The following CSGALNACT1 variants were observed in gnomAD, a reference collection of about 807,000 sequenced individuals.
CSGALNACT1 encodes the protein chondroitin sulfate N-acetylgalactosaminyltransferase 1.
Under a neutral mutation model 51.0 loss-of-function variants are expected in CSGALNACT1, and 52 were observed. The ratio of observed to expected loss-of-function variants is 1.02; its 90% CI spans 0.82 to 1.29. The LOEUF (loss-of-function observed/expected upper bound fraction) is 1.29. Ranked by LOEUF, CSGALNACT1 falls within the 50% of genes most tolerant of loss-of-function variation. The probability of loss-of-function intolerance (pLI) is 0.00; values close to 1 mark genes in which losing one functional copy is unlikely to be tolerated. For synonymous variants in CSGALNACT1, 341 were observed against 254.4 expected, an observed-to-expected ratio of 1.34 and a Z score of -3.24; for missense variants, 935 against 679.2, an observed-to-expected ratio of 1.38 and a Z score of -4.19.
intron 5 of CSGALNACT1, among the ~76,000 whole-genome samples, chr8:19,457,109 A>G (rs928273041): frequency 1.3e-5 from 2 of 152,204 alleles, no homozygotes; most frequent in Non-Finnish European, 2.9e-5. Context: ...AGAGAACCCT[A>G]CGTCAGAAAG....
At chr8:19,416,619 A>T (rs916668441) in intron 8 of CSGALNACT1, among the ~76,000 whole-genome samples, 1 of 152,128 alleles carries the variant, frequency 6.6e-6, no homozygotes, top group Non-Finnish European at 1.5e-5. Context: ...TTCCTGTGCC[A>T]TTTCTATGTT....
At chr8:19,602,744 T>A (rs1311009409), upstream of CSGALNACT1, 1 of 151,982 alleles carries the variant, frequency 6.6e-6, no homozygotes, top group Non-Finnish European at 1.5e-5. Flanking sequence ...ATGTGTCAAC[T>A]AGATAAAAGC....
In CSGALNACT1 at chr8:19,576,920, C is replaced by T. The variant is rs142039751; in HGVS notation, c.-297+14240G>A. Among the ~76,000 whole-genome samples the T allele has an allele frequency of 9.3e-3, 1,422 of 152,208 alleles. 23 individuals carry two copies. Among genetic ancestry groups the T allele is most frequent in the African/African-American group, 0.032 (1,329 of 41,508 alleles). On this transcript the variant is annotated intron_variant, in intron 3 of 9. Transcript: ENST00000454498. ...ACTGGGGCAGGTCAGCAAGTGCAAT[C>T]ACTGGCCATCCAATAAGAAAACACA...
intron 3 of CSGALNACT1, among the ~76,000 whole-genome samples, chr8:19,515,539 A>G (rs113852735): frequency 2.0e-5 from 3 of 152,230 alleles, no homozygotes; most frequent in Non-Finnish European, 4.4e-5. Context: ...GAATAAACAC[A>G]TAAGTGTAAA....
intron 5 of CSGALNACT1, chr8:19,457,853 C>T: frequency 7.6e-7 from 1 of 1,323,152 alleles, no homozygotes; most frequent in South Asian, 1.2e-5. Flanking sequence ...CATTGAGTAG[C>T]TACAAAAATG....
chr8:19,667,003 G>GAAAAGAAAGAAAGAAAGAAAGA (rs1201645786), intron 1 of CSGALNACT1, among the ~76,000 whole-genome samples: 5 of 28,602 alleles, frequency 1.7e-4, no homozygotes, highest in Non-Finnish European at 2.0e-4. Flanking sequence ...AAGAAAGAAA[G>GAAAAGAAAGAAAGAAAGAAAGA]AAAGAAAGAA....
intron 1 of CSGALNACT1, among the ~76,000 whole-genome samples, chr8:19,726,606 C>T (rs932958254): frequency 2.0e-5 from 3 of 152,034 alleles, no homozygotes; most frequent in Non-Finnish European, 4.4e-5. Context: ...GATCTACTCT[C>T]TCAGCAATTA....
intron 1 of CSGALNACT1, among the ~76,000 whole-genome samples, chr8:19,719,408 T>C (rs2062991717): frequency 6.6e-6 from 1 of 152,196 alleles, no homozygotes; most frequent in Non-Finnish European, 1.5e-5. Context: ...TGTCTGGAAA[T>C]AGGCACACAT....
chr8:19,746,404 T>C (rs898267734), intron 1 of CSGALNACT1, among the ~76,000 whole-genome samples: 5 of 152,158 alleles, frequency 3.3e-5, no homozygotes, highest in Non-Finnish European at 5.9e-5. Context: ...CCATGGTACC[T>C]AATGATGTTG....
intron 2 of CSGALNACT1, among the ~76,000 whole-genome samples, chr8:19,599,893 T>C (rs2050025536): frequency 6.6e-6 from 1 of 152,212 alleles, no homozygotes; most frequent in Admixed American, 6.5e-5. Context: ...CAGACAAACC[T>C]ACCCCACACC....
At chr8:19,608,422 G>C (rs1480837264) in intron 1 of CSGALNACT1, among the ~76,000 whole-genome samples, 2 of 152,204 alleles carry the variant, frequency 1.3e-5, no homozygotes, top group Non-Finnish European at 2.9e-5. Context: ...CCTTGAGCAA[G>C]TCACCTGCAA....
intron 4 of CSGALNACT1, among the ~76,000 whole-genome samples, chr8:19,467,619 C>T (rs921745108): frequency 6.6e-6 from 1 of 152,010 alleles, no homozygotes; most frequent in African/African-American, 2.4e-5. Context: ...TGCAAATGAC[C>T]TGGTTAGTTT....
At chr8:19,691,866 C>G (rs1440962155) in intron 1 of CSGALNACT1, among the ~76,000 whole-genome samples, 2 of 152,012 alleles carry the variant, frequency 1.3e-5, no homozygotes, top group Non-Finnish European at 2.9e-5. Flanking sequence ...CTCCAGCCCC[C>G]ACCCAGACCT....
At chr8:19,689,711 T>A (rs895479593) in intron 1 of CSGALNACT1, among the ~76,000 whole-genome samples, 12 of 152,230 alleles carry the variant, frequency 7.9e-5, no homozygotes, top group African/African-American at 2.9e-4. Flanking sequence ...TCACTCATGC[T>A]AAAGTTCCAC....
At chr8:19,603,903 C>G (rs2050960989), upstream of CSGALNACT1, among the ~76,000 whole-genome samples, 2 of 152,188 alleles carry the variant, frequency 1.3e-5, no homozygotes. Flanking sequence ...CTTTCTTACT[C>G]CAGCAACTTG....
In CSGALNACT1 at chr8:19,528,133, T is replaced by C. The variant is rs570476982; in HGVS notation, c.-296-22003A>G. ...TGCCTGAGTAGGTTTGACACAGGGCTATCCAGAACTGACTGAGGTAGCCTG... is the reference window on the plus strand; with the variant it reads ...TGCCTGAGTAGGTTTGACACAGGGCCATCCAGAACTGACTGAGGTAGCCTG... On this transcript the variant is annotated intron_variant, in intron 3 of 9. Transcript: ENST00000454498. 2.6e-5 allele frequency among the ~76,000 whole-genome samples: 4 copies of C among 152,256 alleles called. No homozygotes were observed. In the East Asian group the frequency reaches 7.7e-4, roughly 29 times the overall value.
intron 1 of CSGALNACT1, among the ~76,000 whole-genome samples, chr8:19,646,707 A>T (rs992688146): frequency 6.6e-6 from 1 of 152,178 alleles, no homozygotes; most frequent in Non-Finnish European, 1.5e-5. Flanking sequence ...CTCAGACTCA[A>T]TTTATCTATA....
intron 8 of CSGALNACT1, among the ~76,000 whole-genome samples, chr8:19,417,298 C>A (rs908231326): frequency 6.6e-6 from 1 of 152,102 alleles, no homozygotes. Context: ...TATTAGTAAA[C>A]CTGGTGCACC....
At chr8:19,426,017 G>A (rs980883644) in intron 6 of CSGALNACT1, among the ~76,000 whole-genome samples, 11 of 152,162 alleles carry the variant, frequency 7.2e-5, no homozygotes, top group African/African-American at 1.9e-4. Flanking sequence ...TGCTTGCACA[G>A]ATCTGTATGA....
Sources: gnomAD v4.1 joint callset for allele counts (sites outside exome capture counted in the v4.1 genomes callset) on GRCh38, gnomAD v4.1.1 for gene constraint, MANE v1.5 for transcripts, NCBI Gene and HGNC (gene_info 2026-07-23, HGNC 2026-07-21) for gene names.